The following TMPRSS4 variants were observed in gnomAD, a reference collection of about 807,000 sequenced individuals.
The protein encoded by TMPRSS4 is transmembrane serine protease 4, also known as transmembrane protease serine 4.
A neutral mutation model predicts 56.4 loss-of-function variants in TMPRSS4; 45 were observed. That is an observed-to-expected ratio of 0.80 (90% CI 0.63 to 1.02). The LOEUF (loss-of-function observed/expected upper bound fraction) is 1.02, where lower values mean the gene tolerates loss of function less well. TMPRSS4 is among the 50% of genes least tolerant of loss of function. TMPRSS4 has a pLI of 0.00. For missense variants in TMPRSS4, 546 were observed against 556.7 expected, an observed-to-expected ratio of 0.98 and a Z score of 0.19; for synonymous variants, 205 against 211.0, an observed-to-expected ratio of 0.97 and a Z score of 0.25.
At chr11:118,124,927 G>T (rs1299790034), downstream of TMPRSS4, among the ~76,000 whole-genome samples, 1 of 152,212 alleles carries the variant, frequency 6.6e-6, no homozygotes, top group Non-Finnish European at 1.5e-5. Flanking sequence ...CTAGGCTTTA[G>T]TCACTTGCCC....
intron 5 of TMPRSS4, 61 bp from the exon 6 acceptor site, chr11:118,107,713 A>T: frequency 3.4e-6 from 5 of 1,449,584 alleles, no homozygotes; most frequent in Non-Finnish European, 4.8e-6. Flanking sequence ...GGCCAACTCT[A>T]CCATCTTGTT....
In TMPRSS4 at chr11:118,119,036, C is replaced by T. The variant is rs1947699775; in HGVS notation, c.*1123C>T. The T allele has an allele frequency of 1.0e-6, 1 of 985,394 alleles. No homozygotes were observed. The highest frequency in any genetic ancestry group is 1.2e-6 in the Non-Finnish European group (1 of 829,934). The allele number at this position is 985,394 out of a possible 1,614,324, so 61.0% of individuals were successfully genotyped here. A position where few individuals can be genotyped will look rare whatever the true frequency, so the allele number is the denominator to read the frequency against. On this transcript the variant is annotated 3_prime_UTR_variant, in exon 13 of 13. Coordinates refer to ENST00000437212, the MANE Select transcript of TMPRSS4 (RefSeq NM_019894.4). ...CTTGGGTTTTCTGAGGACTGTCTTG[C>T]TATAGTTAAGTCAGATCCTAGATGA...
In TMPRSS4 at chr11:118,083,679, G is replaced by A. The variant is rs546484537; in HGVS notation, c.3+6374G>A. Among the ~76,000 whole-genome samples the A allele has an allele frequency of 1.2e-4, 18 of 152,238 alleles. No homozygotes were observed. The South Asian group carries it at 3.7e-3, about 32-fold the overall frequency. On this transcript the variant is annotated intron_variant, in intron 1 of 12. Transcript: ENST00000437212. ...AAAAGAGCTTTACCTCTGGTTCACT[G>A]CTAGGTCTCCAGGGCCCAGAAAGTT...
Position 118,091,034 on chromosome 11 carries a change from C to A in TMPRSS4, c.4-3782C>A, listed in dbSNP as rs189125232. ...ACCTACCTCAATGAATGCAGGCATGCATGCACAGGTAGACTCAGTGGAAAA... is the reference window on the plus strand; with the variant it reads ...ACCTACCTCAATGAATGCAGGCATGAATGCACAGGTAGACTCAGTGGAAAA... On this transcript the variant is annotated intron_variant, in intron 1 of 12. Coordinates refer to ENST00000437212, the MANE Select transcript of TMPRSS4 (RefSeq NM_019894.4). Among the ~76,000 whole-genome samples the A allele has an allele frequency of 1.9e-4, 29 of 152,246 alleles. 1 individual carries two copies. In the East Asian group the frequency reaches 4.6e-3, roughly 24 times the overall value.
intron 1 of TMPRSS4, among the ~76,000 whole-genome samples, chr11:118,090,821 A>C (rs1783862): frequency 1.8e-3 from 259 of 140,406 alleles, no homozygotes; most frequent in African/African-American, 3.5e-3. Flanking sequence ...CACACACACA[A>C]ACACACACAC....
At chr11:118,090,970 T>C (rs927558708) in intron 1 of TMPRSS4, among the ~76,000 whole-genome samples, 1 of 152,142 alleles carries the variant, frequency 6.6e-6, no homozygotes, top group Non-Finnish European at 1.5e-5. Context: ...GTATAGTCAA[T>C]ATTTGTTAAA....
intron 3 of TMPRSS4, among the ~76,000 whole-genome samples, chr11:118,100,459 C>T (rs1331886739): frequency 6.6e-6 from 1 of 152,172 alleles, no homozygotes; most frequent in African/African-American, 2.4e-5. Context: ...CACTGAGGCT[C>T]GGAGAGGAGG....
chr11:118,085,025 G>A (rs1945434934), intron 1 of TMPRSS4, among the ~76,000 whole-genome samples: 1 of 152,154 alleles, frequency 6.6e-6, no homozygotes, highest in South Asian at 2.1e-4. Flanking sequence ...AAGACCAGAT[G>A]GGGCTCCTGG....
intron 8 of TMPRSS4, 127 bp downstream of exon 8, chr11:118,112,027 G>T: frequency 1.5e-6 from 2 of 1,354,576 alleles, no homozygotes; most frequent in Non-Finnish European, 9.8e-7. Context: ...CCAGGTTGTG[G>T]TGGCCCCAAT....
At chr11:118,115,023 AC>A (rs1947465929) in intron 10 of TMPRSS4, 96 bp downstream of exon 10, 4 of 1,548,206 alleles carry the variant, frequency 2.6e-6, no homozygotes, top group Non-Finnish European at 3.5e-6. Context: ...CTTCAGAGAA[AC>A]CCATCCTGGA....
At chr11:118,108,071 G>C in intron 6 of TMPRSS4, 196 bp downstream of exon 6, 2 of 562,282 alleles carry the variant, frequency 3.6e-6, no homozygotes, top group Non-Finnish European at 3.2e-6. Context: ...GTGTTGACTT[G>C]TTTTTAATAC....
chr11:118,107,562 T>A, intron 5 of TMPRSS4: 1 of 453,738 alleles, frequency 2.2e-6, no homozygotes, highest in Non-Finnish European at 4.0e-6. Context: ...AGCAATGCAC[T>A]GAGGGTTGAG....
intron 1 of TMPRSS4, among the ~76,000 whole-genome samples, chr11:118,079,707 C>G (rs1163885621): frequency 6.7e-6 from 1 of 149,694 alleles, no homozygotes; most frequent in Non-Finnish European, 1.5e-5. Context: ...TCCGTGCCAG[C>G]CTGGTACAGA....
chr11:118,120,502 C>A lies in TMPRSS4; in HGVS notation c.*2589C>A, dbSNP rs1187935383. On this transcript the variant is annotated 3_prime_UTR_variant, in exon 13 of 13. Coordinates refer to ENST00000437212, the MANE Select transcript of TMPRSS4 (RefSeq NM_019894.4). ...GCTATTTTCTGTTAAAAATGGATATCTTAATAATCAAGCAAAAATAACAGG... is the reference window on the plus strand; with the variant it reads ...GCTATTTTCTGTTAAAAATGGATATATTAATAATCAAGCAAAAATAACAGG... 6.6e-6 allele frequency: 1 copy of A among 152,070 alleles called. No homozygotes were observed. Among genetic ancestry groups the A allele is most frequent in the African/African-American group, 2.4e-5 (1 of 41,382 alleles). 9.4% of individuals were successfully genotyped at this position (152,070 alleles called of 1,614,324 possible).
chr11:118,096,701 G>A (rs1946308869), intron 2 of TMPRSS4, among the ~76,000 whole-genome samples: 2 of 151,584 alleles, frequency 1.3e-5, no homozygotes, highest in South Asian at 2.1e-4. Flanking sequence ...TAAAAGGATG[G>A]CTTGAGCCCA....
intron 1 of TMPRSS4, among the ~76,000 whole-genome samples, chr11:118,082,187 G>A (rs868404037): frequency 8.5e-5 from 13 of 152,206 alleles, no homozygotes; most frequent in African/African-American, 3.1e-4. Flanking sequence ...TGTGCTTTGA[G>A]AAGCACTTTC....
chr11:118,123,413 T>C (rs1947831449), downstream of TMPRSS4, among the ~76,000 whole-genome samples: 1 of 152,126 alleles, frequency 6.6e-6, no homozygotes, highest in African/African-American at 2.4e-5. Flanking sequence ...ACATAAGAAT[T>C]AGAGGAACAA....
At chr11:118,109,490 G>C (rs567205813) in intron 7 of TMPRSS4, among the ~76,000 whole-genome samples, 142 of 152,292 alleles carry the variant, frequency 9.3e-4, no homozygotes, top group Non-Finnish European at 1.1e-3. Flanking sequence ...AGCTGGCCGG[G>C]GGTCAGAAGA....
intron 1 of TMPRSS4, among the ~76,000 whole-genome samples, chr11:118,081,584 G>A (rs1374951238): frequency 1.3e-5 from 2 of 152,248 alleles, no homozygotes; most frequent in Non-Finnish European, 2.9e-5. Context: ...TGAGAGACAT[G>A]ATGGCCCCTG....
Sources: allele counts gnomAD v4.1 joint callset (sites outside exome capture counted in the v4.1 genomes callset), GRCh38; gene constraint gnomAD v4.1.1; transcripts MANE v1.5; gene names NCBI Gene and HGNC (gene_info 2026-07-23, HGNC 2026-07-21).